FMN2: variants seen among roughly 807,000 people sequenced by gnomAD.
FMN2 encodes formin 2.
FMN2 carries 51 observed loss-of-function variants against 142.3 expected under a neutral mutation model. The ratio of observed to expected loss-of-function variants is 0.36; its 90% CI spans 0.29 to 0.45. FMN2 has a LOEUF of 0.45. Ranked by LOEUF, FMN2 falls within the 20% of genes least tolerant of loss-of-function variation. The pLI, the probability that FMN2 is intolerant of heterozygous loss-of-function variation, is 1.00. For missense variants in FMN2, 1,936 were observed against 2,122.8 expected, an observed-to-expected ratio of 0.91 and a Z score of 1.73; for synonymous variants, 882 against 869.8, an observed-to-expected ratio of 1.01 and a Z score of -0.25.
intron 4 of FMN2, among the ~76,000 whole-genome samples, chr1:240,196,224 A>C (rs1205681823): frequency 6.6e-6 from 1 of 152,218 alleles, no homozygotes; most frequent in African/African-American, 2.4e-5. Flanking sequence ...GGGAATGTAG[A>C]ATGATAGGAA....
intron 14 of FMN2, among the ~76,000 whole-genome samples, chr1:240,366,189 A>C (rs1672664703): frequency 6.6e-6 from 1 of 152,208 alleles, no homozygotes; most frequent in Non-Finnish European, 1.5e-5. Context: ...CCCAGCTCAC[A>C]GAATAGAACA....
intron 15 of FMN2, among the ~76,000 whole-genome samples, chr1:240,418,431 G>A (rs1215638058): frequency 1.3e-5 from 2 of 151,680 alleles, no homozygotes; most frequent in South Asian, 2.1e-4. Flanking sequence ...TCCTGACCTC[G>A]TGATCCCCTC....
intron 6 of FMN2, among the ~76,000 whole-genome samples, chr1:240,233,879 C>G (rs1056362517): frequency 3.3e-5 from 5 of 152,214 alleles, no homozygotes; most frequent in African/African-American, 9.6e-5. Context: ...TTTAGTGATC[C>G]AGAAACCCTG....
At chr1:240,373,614 C>T (rs550015342) in intron 14 of FMN2, among the ~76,000 whole-genome samples, 2 of 152,256 alleles carry the variant, frequency 1.3e-5, no homozygotes, top group African/African-American at 4.8e-5. Context: ...ACTCCTCATC[C>T]GTTCAAATTT....
At chr1:240,437,065 T>A (rs1675402245) in intron 15 of FMN2, among the ~76,000 whole-genome samples, 1 of 151,918 alleles carries the variant, frequency 6.6e-6, no homozygotes, top group Non-Finnish European at 1.5e-5. Flanking sequence ...ACTGGAAGAC[T>A]TTTGTGAAGT....
intron 14 of FMN2, among the ~76,000 whole-genome samples, chr1:240,372,255 G>C (rs945726819): frequency 6.6e-6 from 1 of 152,038 alleles, no homozygotes; most frequent in Non-Finnish European, 1.5e-5. Flanking sequence ...AAACTTATGA[G>C]AAAAGTCATC....
chr1:240,300,743 G>C (rs983118416), intron 8 of FMN2, among the ~76,000 whole-genome samples: 6 of 152,220 alleles, frequency 3.9e-5, no homozygotes, highest in African/African-American at 1.4e-4. Flanking sequence ...TAGTATATTA[G>C]GCACATGCAT....
At chr1:240,216,510 G>A (rs1027154087) in intron 6 of FMN2, among the ~76,000 whole-genome samples, 2 of 152,112 alleles carry the variant, frequency 1.3e-5, no homozygotes, top group African/African-American at 2.4e-5. Context: ...GAAAAAGTAT[G>A]ACAGTTAAAT....
intron 15 of FMN2, among the ~76,000 whole-genome samples, chr1:240,397,950 A>G (rs1220476706): frequency 6.6e-6 from 1 of 151,972 alleles, no homozygotes; most frequent in African/African-American, 2.4e-5. Flanking sequence ...AGCCTTGAGG[A>G]AAAAATGTAT....
chr1:240,279,054 G>T (rs1669311307), intron 7 of FMN2, among the ~76,000 whole-genome samples: 1 of 152,156 alleles, frequency 6.6e-6, no homozygotes. Context: ...TGGGGGAAGA[G>T]AAGAGACTTG....
chr1:240,252,437 G>A (rs551684642), intron 6 of FMN2, among the ~76,000 whole-genome samples: 1 of 152,010 alleles, frequency 6.6e-6, no homozygotes, highest in Non-Finnish European at 1.5e-5. Context: ...TTTATTGTAG[G>A]CCCAGTCTTT....
intron 2 of FMN2, among the ~76,000 whole-genome samples, chr1:240,128,770 G>A (rs1234581217): frequency 1.3e-5 from 2 of 152,176 alleles, no homozygotes; most frequent in African/African-American, 2.4e-5. Flanking sequence ...AAAACCAACA[G>A]CAGCCAGTCC....
chr1:240,389,714 G>A (rs572684516), intron 14 of FMN2, among the ~76,000 whole-genome samples: 8 of 152,306 alleles, frequency 5.3e-5, no homozygotes, highest in South Asian at 4.1e-4. Context: ...CACTTTGAGA[G>A]ACCGAGACGG....
At chr1:240,185,834 G>T (rs1665422484) in intron 3 of FMN2, among the ~76,000 whole-genome samples, 1 of 152,162 alleles carries the variant, frequency 6.6e-6, no homozygotes, top group Non-Finnish European at 1.5e-5. Context: ...TATTGTGTTT[G>T]GGAGGATTTG....
intron 1 of FMN2, among the ~76,000 whole-genome samples, chr1:240,096,260 A>G (rs1661192236): frequency 6.6e-6 from 1 of 152,202 alleles, no homozygotes; most frequent in Non-Finnish European, 1.5e-5. Flanking sequence ...AAAAAATGTG[A>G]TCAGATTTAG....
At chr1:240,289,322 T>G (rs1441131587) in intron 7 of FMN2, among the ~76,000 whole-genome samples, 1 of 152,100 alleles carries the variant, frequency 6.6e-6, no homozygotes, top group African/African-American at 2.4e-5. Context: ...GTACTAACAC[T>G]GTTCCATAGC....
At chr1:240,114,107 A>G (rs1323214728) in intron 1 of FMN2, among the ~76,000 whole-genome samples, 1 of 152,168 alleles carries the variant, frequency 6.6e-6, no homozygotes, top group Non-Finnish European at 1.5e-5. Flanking sequence ...TAGTTTTATC[A>G]ACCCTTTTTT....
chr1:240,431,105 G>A (rs1675156756), intron 15 of FMN2, among the ~76,000 whole-genome samples: 1 of 151,412 alleles, frequency 6.6e-6, no homozygotes, highest in African/African-American at 2.4e-5. Context: ...AGTTATTTCA[G>A]CTTTCTTTAA....
intron 3 of FMN2, among the ~76,000 whole-genome samples, chr1:240,186,658 C>G (rs895894921): frequency 6.6e-6 from 1 of 152,118 alleles, no homozygotes; most frequent in Non-Finnish European, 1.5e-5. Context: ...GCAGTAGCCA[C>G]TGTGGCTTTG....
Sources: gnomAD v4.1 joint callset for allele counts (sites outside exome capture counted in the v4.1 genomes callset) on GRCh38, gnomAD v4.1.1 for gene constraint, MANE v1.5 for transcripts, NCBI Gene and HGNC (gene_info 2026-07-23, HGNC 2026-07-21) for gene names.